The following PJVK variants were observed in gnomAD, a reference collection of about 807,000 sequenced individuals.
PJVK encodes autosomal recessive deafness type 59 protein.
Under a neutral mutation model 37.6 loss-of-function variants are expected in PJVK, and 33 were observed. The ratio of observed to expected loss-of-function variants is 0.88; its 90% confidence interval spans 0.67 to 1.17. The LOEUF is 1.17. Ranked by LOEUF, PJVK falls within the 50% of genes most tolerant of loss-of-function variation. The probability of loss-of-function intolerance (pLI) is 0.00; values close to 1 mark genes in which losing one functional copy is unlikely to be tolerated. For synonymous variants in PJVK, 141 were observed against 143.5 expected (o/e 0.98, Z 0.13); for missense variants, 410 against 413.8 (o/e 0.99, Z 0.08).
At chr2:178,458,195 G>A (rs918471803) in intron 4 of PJVK, among the ~76,000 whole-genome samples, 2 of 149,332 alleles carry the variant, frequency 1.3e-5, no homozygotes, top group East Asian at 3.9e-4. Flanking sequence ...CTCTGGCACT[G>A]CTTTCTAAGA....
chr2:178,452,507 A>G (rs1020768753), intron 1 of PJVK: 23 of 985,164 alleles, frequency 2.3e-5, no homozygotes, highest in Non-Finnish European at 2.8e-5. Flanking sequence ...AGGGCTACAT[A>G]GTCAGTATTT....
At position 178,456,079 on chromosome 2, in the gene PJVK, C is replaced by A; in HGVS notation, c.477C>A (p.Val159=). The A allele has an allele frequency of 6.2e-7, 1 of 1,614,140 alleles. No individual in the cohort carries two copies. The highest frequency in any genetic ancestry group is 1.1e-5 in the South Asian group (1 of 91,064). Residue 159 remains valine (V), a synonymous_variant, in exon 4 of 7, where the codon GTC becomes GTA. Coordinates refer to ENST00000644580, the MANE Select transcript of PJVK (RefSeq NM_001042702.5). The part of the protein sequence containing the change: ...RSSRKAVLCV[V]MESIRTTRQC... Reference sequence around the variant, plus strand: ...GCAGAAAGGCAGTATTGTGTGTGGTCATGGAGAGCATCCGAACCACACGAC... The same window carrying A: ...GCAGAAAGGCAGTATTGTGTGTGGTAATGGAGAGCATCCGAACCACACGAC...
At chr2:178,454,172 T>G (rs1697901581) in intron 2 of PJVK, 160 bp from the exon 3 acceptor site, 6 of 591,528 alleles carry the variant, frequency 1.0e-5, no homozygotes, top group Non-Finnish European at 1.7e-5. Context: ...TTCTTTTTGT[T>G]GTAAGATTAA....
intron 6 of PJVK, 134 bp from the exon 7 acceptor site, chr2:178,460,848 C>CAAAAA (rs748779811): frequency 7.4e-5 from 23 of 310,248 alleles, no homozygotes; most frequent in Admixed American, 1.2e-4. Flanking sequence ...GACCCTGTCT[C>CAAAAA]AAAAAAAAAA....
At chr2:178,452,319 T>C (rs1196607119) in intron 1 of PJVK, 1 of 980,452 alleles carries the variant, frequency 1.0e-6, no homozygotes, top group African/African-American at 1.8e-5. Flanking sequence ...AAAAAAGCGA[T>C]TTGTTGTTTT....
In PJVK at chr2:178,461,119, CACA is replaced by C. The variant is rs1559372512; in HGVS notation, c.908_910del (p.Asn303del). ...CCATATCCGAGTTAACTTACTTAAT[CACA>C]ACATTCCCAAAGGGCCTTGCATACT... On this transcript the variant is annotated inframe_deletion, in exon 7 of 7. Coordinates refer to ENST00000644580, the MANE Select transcript of PJVK (RefSeq NM_001042702.5). 6.2e-7 allele frequency: 1 copy of C among 1,614,114 alleles called. No homozygotes were observed. Among genetic ancestry groups the C allele is most frequent in the African/African-American group, 1.3e-5 (1 of 75,020 alleles).
At chr2:178,455,108 G>C (rs1683952088) in intron 3 of PJVK, 2 of 1,595,788 alleles carry the variant, frequency 1.3e-6, no homozygotes, top group Non-Finnish European at 1.7e-6. Flanking sequence ...CTACAACGAA[G>C]TGAAGGCGGA....
chr2:178,460,255 C>A, intron 5 of PJVK, 93 bp from the exon 6 acceptor site: 1 of 1,060,558 alleles, frequency 9.4e-7, no homozygotes, highest in Non-Finnish European at 1.4e-6. Flanking sequence ...AAAAACAATA[C>A]AATGAATGAT....
At chr2:178,457,945 A>G (rs1381868889) in intron 4 of PJVK, among the ~76,000 whole-genome samples, 2 of 152,224 alleles carry the variant, frequency 1.3e-5, no homozygotes, top group Non-Finnish European at 2.9e-5. Context: ...ACACCTAATA[A>G]TGACTTGATT....
chr2:178,456,737 A>T (rs746812783), intron 4 of PJVK, among the ~76,000 whole-genome samples: 2 of 152,168 alleles, frequency 1.3e-5, no homozygotes, highest in African/African-American at 2.4e-5. Context: ...ATTGCACTCT[A>T]ACCTGGGTGG....
chr2:178,456,179 C>T, intron 4 of PJVK, 28 bp downstream of exon 4: 17 of 1,611,138 alleles, frequency 1.1e-5, no homozygotes, highest in Non-Finnish European at 1.4e-5. Flanking sequence ...GGTTCTCTTA[C>T]TAACTAAAGT....
chr2:178,461,091 G>A lies in PJVK; in HGVS notation c.876G>A (p.Gly292=), dbSNP rs1684481265. ...LSMTDISLKE[G]THIRVNLLNH... is the part of the protein sequence containing the mutation. ...TGACTGATATTTCACTCAAAGAAGGGACCCATATCCGAGTTAACTTACTTA... is the reference window on the plus strand; with the variant it reads ...TGACTGATATTTCACTCAAAGAAGGAACCCATATCCGAGTTAACTTACTTA... Residue 292 remains glycine, a synonymous_variant, in exon 7 of 7, where the codon GGG becomes GGA. Transcript: ENST00000644580. 6.2e-7 allele frequency: 1 copy of A among 1,613,940 alleles called. No individual in the cohort carries two copies. Among genetic ancestry groups the A allele is most frequent in the Admixed American group, 1.7e-5 (1 of 59,990 alleles).
In PJVK at chr2:178,460,463, G is replaced by A. The variant is rs1408419274; in HGVS notation, c.766+17G>A. The stretch of plus-strand genomic sequence containing the variant: ...TTGAAAGAAGTATGTTTATTGAAGA[G>A]TACTGTGAATGTCTTTTTTTTTTCT... On this transcript the variant is annotated intron_variant, in intron 6 of 6. Transcript: ENST00000644580. 1.3e-6 allele frequency: 2 copies of A among 1,596,866 alleles called. No individual in the cohort carries two copies. Among genetic ancestry groups the A allele is most frequent in the East Asian group, 2.2e-5 (1 of 44,718 alleles).
At chr2:178,452,433 T>C in intron 1 of PJVK, 2 of 985,336 alleles carry the variant, frequency 2.0e-6, no homozygotes, top group Non-Finnish European at 2.4e-6. Context: ...TCTCTTCCTC[T>C]CCGTCTATAT....
rs79399438 is a variant in PJVK, at chr2:178,461,089, G to A, written c.874G>A (p.Gly292Arg). The A allele has an allele frequency of 0.026, 42,064 of 1,613,996 alleles. 897 individuals carry two copies. The highest frequency in any genetic ancestry group is 0.14 in the East Asian group (6,335 of 44,850). Reference protein sequence around the residue: ...LSMTDISLKEGTHIRVNLLNH... With the variant: ...LSMTDISLKERTHIRVNLLNH... ...CATGACTGATATTTCACTCAAAGAA[G>A]GGACCCATATCCGAGTTAACTTACT... The change falls in exon 7 of 7, where the codon GGG (glycine) becomes AGG (arginine). Residue 292 changes from glycine (G) to arginine (R), a missense_variant. Transcript: ENST00000644580.
rs943770146 is a variant in PJVK, at chr2:178,460,209, G to A, written c.668-139G>A. The A allele has an allele frequency of 3.3e-5, 24 of 734,768 alleles. No homozygotes were observed. In the African/African-American group the frequency reaches 4.1e-4, roughly 12 times the overall value. The allele number at this position is 734,768 out of a possible 1,614,324, so 45.5% of individuals were successfully genotyped here. On this transcript the variant is annotated intron_variant, in intron 5 of 6. Transcript: ENST00000644580. ...TGTATGAATTTTGTACCATGTGAAT[G>A]TTACCTTTTCCAAAAGTATGTAAAA...
chr2:178,454,190 A>T, intron 2 of PJVK, 142 bp from the exon 3 acceptor site: 1 of 641,500 alleles, frequency 1.6e-6, no homozygotes, highest in Non-Finnish European at 2.6e-6. Context: ...TAATTGAATT[A>T]CTACTTTAAG....
intron 2 of PJVK, 58 bp from the exon 3 acceptor site, chr2:178,454,274 A>G: frequency 2.1e-6 from 3 of 1,435,004 alleles, no homozygotes; most frequent in East Asian, 2.4e-5. Context: ...ACATGTTACT[A>G]TATATAATCT....
In PJVK at chr2:178,454,496, G is replaced by GT. The variant is rs747002444; in HGVS notation, c.377dup (p.Ser127IlefsTer13). On this transcript the variant is annotated frameshift_variant, in exon 3 of 7. Coordinates refer to ENST00000644580, the MANE Select transcript of PJVK (RefSeq NM_001042702.5). LOFTEE classifies it high-confidence loss of function. ...TATAGTAACCAAACATGAAGTGGAAGTATCAACATTACTCAAAGAAATTAC... is the reference window on the plus strand; with the variant it reads ...TATAGTAACCAAACATGAAGTGGAAGTTATCAACATTACTCAAAGAAATTAC... 6.2e-7 allele frequency: 1 copy of GT among 1,613,726 alleles called. No homozygotes were observed. Among genetic ancestry groups the GT allele is most frequent in the Admixed American group, 1.7e-5 (1 of 60,012 alleles).
Sources: allele counts gnomAD v4.1 joint callset (sites outside exome capture counted in the v4.1 genomes callset), GRCh38; gene constraint gnomAD v4.1.1; transcripts MANE v1.5; gene names NCBI Gene and HGNC (gene_info 2026-07-23, HGNC 2026-07-21).